The following ZNF326 variants were observed in gnomAD, a reference collection of about 807,000 sequenced individuals.
ZNF326 encodes the protein DBIRD complex subunit ZNF326.
In ZNF326, 30 loss-of-function variants were observed where a neutral mutation model predicts 63.1. The observed-to-expected ratio is 0.48, with a 90% CI of 0.36 to 0.64. The LOEUF is 0.64. Ranked by LOEUF, ZNF326 falls within the 30% of genes least tolerant of loss-of-function variation. The pLI, the probability that ZNF326 is intolerant of heterozygous loss-of-function variation, is 0.00. For synonymous variants in ZNF326, 194 were observed against 228.2 expected (o/e 0.85, Z 1.35); for missense variants, 609 against 720.3 (o/e 0.85, Z 1.77).
In ZNF326 at chr1:90,007,356, A is replaced by G. The variant is rs775662477; in HGVS notation, c.221A>G (p.Tyr74Cys). Residue 74 changes from tyrosine to cysteine, a missense_variant, in exon 5 of 12, where the codon TAT (tyrosine) becomes TGT (cysteine). This residue lies in a region of ZNF326 where 113 missense variants were observed against 187.4 expected (regional missense o/e 0.60). Coordinates refer to ENST00000340281, the MANE Select transcript of ZNF326 (RefSeq NM_182976.4). The surrounding 1 kb of genome is among the most constrained non-coding windows in gnomAD (Gnocchi z 4.9). Reference sequence around the variant, plus strand: ...TGCAACTTTTCCAGGTTTGGACCTTATGAGTCTTACGACTCCAGGTCTTCT... The same window carrying G: ...TGCAACTTTTCCAGGTTTGGACCTTGTGAGTCTTACGACTCCAGGTCTTCT... The part of the protein sequence containing the change: ...GGGGGSRFGP[Y>C]ESYDSRSSLG... 8 of 1,605,600 alleles carry G rather than the reference A, an allele frequency of 5.0e-6. No homozygotes were observed. The highest frequency in any genetic ancestry group is 6.0e-6 in the Non-Finnish European group (7 of 1,175,382).
rs2101102780 is a variant in ZNF326, at chr1:90,028,397, C to A, written c.*696C>A. Reference sequence around the variant, plus strand: ...TCAATCATATTTTTAAAATATAAGACTAAAATTGTTTTTAAAACACATTTC... The same window carrying A: ...TCAATCATATTTTTAAAATATAAGAATAAAATTGTTTTTAAAACACATTTC... On this transcript the variant is annotated 3_prime_UTR_variant, in exon 12 of 12. Coordinates refer to ENST00000340281, the MANE Select transcript of ZNF326 (RefSeq NM_182976.4). 1 of 152,134 alleles carries A rather than the reference C, an allele frequency of 6.6e-6. No homozygotes were observed. Among genetic ancestry groups the A allele is most frequent in the African/African-American group, 2.4e-5 (1 of 41,532 alleles). 9.4% of individuals were successfully genotyped at this position (152,134 alleles called of 1,614,324 possible). A position where few individuals can be genotyped will look rare whatever the true frequency, so the allele number is the denominator to read the frequency against.
At chr1:90,005,832 C>T (rs1166872467) in intron 4 of ZNF326, 3 of 985,344 alleles carry the variant, frequency 3.0e-6, no homozygotes, top group African/African-American at 1.7e-5. Context: ...AGCACTTGTG[C>T]TCTAGGCTAG....
Position 90,029,320 on chromosome 1 carries a change from C to G in ZNF326, c.*1619C>G, listed in dbSNP as rs1557534934. ...TTTGAGGTGAACTAGGTTTGCCTAG[C>G]TTTAAGCTAGCAATATCTGATAGAT... On this transcript the variant is annotated 3_prime_UTR_variant, in exon 12 of 12. Coordinates refer to ENST00000340281, the MANE Select transcript of ZNF326 (RefSeq NM_182976.4). The G allele has an allele frequency of 6.6e-6, 1 of 151,036 alleles. No homozygotes were observed. Among genetic ancestry groups the G allele is most frequent in the Admixed American group, 6.6e-5 (1 of 15,156 alleles). The allele number at this position is 151,036 out of a possible 1,614,324, so 9.4% of individuals were successfully genotyped here. A position where few individuals can be genotyped will look rare whatever the true frequency, so the allele number is the denominator to read the frequency against.
intron 1 of ZNF326, among the ~76,000 whole-genome samples, chr1:89,996,229 T>C (rs767306220): frequency 5.3e-5 from 8 of 152,226 alleles, no homozygotes; most frequent in East Asian, 1.9e-4. Context: ...AAAGGACTTA[T>C]GTGATTAAAC....
chr1:90,006,243 T>C (rs982555723), intron 4 of ZNF326: 1 of 984,204 alleles, frequency 1.0e-6, no homozygotes, highest in Non-Finnish European at 1.2e-6. Context: ...AGGAATAATT[T>C]TTATATGGTT....
chr1:90,006,061 C>T (rs896144423), intron 4 of ZNF326: 1 of 985,284 alleles, frequency 1.0e-6, no homozygotes, highest in East Asian at 1.1e-4. Context: ...AGTCATCCTT[C>T]TGCATAAATT....
At chr1:90,000,034 A>C (rs570347885) in intron 2 of ZNF326, among the ~76,000 whole-genome samples, 26 of 152,306 alleles carry the variant, frequency 1.7e-4, no homozygotes, top group African/African-American at 6.3e-4. Context: ...GAGGGAGAGT[A>C]ACATAGAGAA....
intron 4 of ZNF326, chr1:90,005,995 G>C (rs1335740592): frequency 1.0e-6 from 1 of 985,298 alleles, no homozygotes; most frequent in African/African-American, 1.7e-5. Flanking sequence ...TCTACTTTTT[G>C]AGGCACAAAG....
intron 9 of ZNF326, among the ~76,000 whole-genome samples, chr1:90,019,714 G>C (rs1649673464): frequency 6.6e-6 from 1 of 152,040 alleles, no homozygotes; most frequent in African/African-American, 2.4e-5. Context: ...ATACATCTAT[G>C]TTTCTAGCAC....
rs113991844 is a variant in ZNF326 at position 90,016,672 on chromosome 1, G to A, written c.927-645G>A. Among the ~76,000 whole-genome samples the A allele has an allele frequency of 2.2e-4, 33 of 150,726 alleles. 1 individual carries two copies. The highest frequency in any genetic ancestry group is 7.1e-4 in the African/African-American group (29 of 40,972). On this transcript the variant is annotated intron_variant, in intron 7 of 11. Transcript: ENST00000340281. ...GTGGAGGTTGCAGTGAGCTGAGATC[G>A]CACCACTGCACTCCAGCCTGGGCAG...
chr1:89,995,203 C>T lies in ZNF326; in HGVS notation c.-55C>T, dbSNP rs1648281619. 4.6e-6 allele frequency: 7 copies of T among 1,525,958 alleles called. No homozygotes were observed. In the East Asian group the frequency reaches 7.9e-5, roughly 17 times the overall value. The allele number at this position is 1,525,958 out of a possible 1,614,324, so 94.5% of individuals were successfully genotyped here. ...GGAATCGCGGGTCGCGGACGCTCGCCGCCGGCCATAGCTCAGCCTAGCGCC... is the reference window on the plus strand; with the variant it reads ...GGAATCGCGGGTCGCGGACGCTCGCTGCCGGCCATAGCTCAGCCTAGCGCC... On this transcript the variant is annotated 5_prime_UTR_variant, in exon 1 of 12. Transcript: ENST00000340281.
At chr1:90,008,007 A>G (rs954290350) in intron 5 of ZNF326, among the ~76,000 whole-genome samples, 2 of 152,188 alleles carry the variant, frequency 1.3e-5, no homozygotes, top group African/African-American at 4.8e-5. Flanking sequence ...TTTGGTCTAA[A>G]AGGGGTTAAA....
At chr1:90,022,431 G>C (rs1426822691) in intron 11 of ZNF326, 86 bp downstream of exon 11, 2 of 942,072 alleles carry the variant, frequency 2.1e-6, no homozygotes, top group East Asian at 2.4e-5. Flanking sequence ...TGTGATACTT[G>C]AATATAGTAT....
intron 7 of ZNF326, among the ~76,000 whole-genome samples, chr1:90,013,960 G>A (rs1010542415): frequency 6.6e-6 from 1 of 152,090 alleles, no homozygotes; most frequent in Non-Finnish European, 1.5e-5. Flanking sequence ...AGCTACTCGG[G>A]AGGCTGAGGC....
Position 90,027,724 on chromosome 1 carries a change from G to A in ZNF326, c.*23G>A. On this transcript the variant is annotated 3_prime_UTR_variant, in exon 12 of 12. Transcript: ENST00000340281. ...TAAATATAAGGTATTAGATTTAAAA[G>A]GAGCTTTACATTTCGGTTCTAATGT... The A allele has an allele frequency of 6.2e-7, 1 of 1,608,144 alleles. No homozygotes were observed. Among genetic ancestry groups the A allele is most frequent in the Non-Finnish European group, 8.5e-7 (1 of 1,176,328 alleles).
intron 11 of ZNF326, among the ~76,000 whole-genome samples, chr1:90,027,075 G>T (rs559599573): frequency 7.4e-4 from 113 of 151,880 alleles, no homozygotes; most frequent in African/African-American, 2.4e-3. Flanking sequence ...ATGTGTGTGT[G>T]TGTGTGTGTG....
chr1:90,022,277 A>G lies in ZNF326; in HGVS notation c.1333A>G (p.Ser445Gly). 6.2e-7 allele frequency: 1 copy of G among 1,612,406 alleles called. No homozygotes were observed. Among genetic ancestry groups the G allele is most frequent in the South Asian group, 1.1e-5 (1 of 90,836 alleles). Residue 445 changes from serine to glycine, a missense_variant, in exon 11 of 12, where the codon AGT (serine) becomes GGT (glycine). Coordinates refer to ENST00000340281, the MANE Select transcript of ZNF326 (RefSeq NM_182976.4). Reference protein sequence around the residue: ...QAYKEQIKRESVLTATSILNN... With the variant: ...QAYKEQIKREGVLTATSILNN... ...TTATAAGGAACAAATAAAAAGAGAG[A>G]GTGTCTTGACTGCTACAAGCATTTT... is the stretch of plus-strand genomic sequence containing the variant.
At position 90,020,876 on chromosome 1, in the gene ZNF326, C is replaced by T; in HGVS notation, c.1259C>T (p.Ser420Leu). ...GTTTATATCCCTGCTTTACATAGTT[C>T]AGTTCAGCAGCACTTAAAATCTCCT... ...CSVYIPALHS[S>L]VQQHLKSPDH... The change falls in exon 10 of 12, where the codon TCA becomes TTA. Residue 420 changes from serine (S) to leucine (L), a missense_variant. Ser to Leu is a moderately radical substitution (Grantham distance 145). Around this residue, in one of 3 missense-constraint regions of ZNF326, gnomAD observed 399 missense variants for 444.3 expected, o/e 0.90. Coordinates refer to ENST00000340281, the MANE Select transcript of ZNF326 (RefSeq NM_182976.4). 6.2e-7 allele frequency: 1 copy of T among 1,613,160 alleles called. No individual in the cohort carries two copies. The highest frequency in any genetic ancestry group is 1.1e-5 in the South Asian group (1 of 91,010).
In ZNF326 at chr1:89,995,231, C is replaced by G. The variant is rs2101041144; in HGVS notation, c.-27C>G. 1 of 1,545,416 alleles carries G rather than the reference C, an allele frequency of 6.5e-7. No individual in the cohort carries two copies. Among genetic ancestry groups the G allele is most frequent in the Non-Finnish European group, 8.7e-7 (1 of 1,148,198 alleles). The stretch of plus-strand genomic sequence containing the variant: ...CGGCCATAGCTCAGCCTAGCGCCGC[C>G]AAGGCCGACGGCCCTCAGCCTCTGC... On this transcript the variant is annotated 5_prime_UTR_variant, in exon 1 of 12. Transcript: ENST00000340281.
Sources: allele counts gnomAD v4.1 joint callset (sites outside exome capture counted in the v4.1 genomes callset), GRCh38; gene constraint gnomAD v4.1.1; regional missense constraint gnomAD v4.1.1; non-coding constraint Gnocchi (gnomAD v3.1); transcripts MANE v1.5; gene names NCBI Gene and HGNC (gene_info 2026-07-23, HGNC 2026-07-21).